The following PLCG2 variants were observed in gnomAD, a reference collection of about 807,000 sequenced individuals.
The protein encoded by PLCG2 is phospholipase C gamma 2.
In PLCG2, 69 loss-of-function variants were observed where a neutral mutation model predicts 175.6. The ratio of observed to expected loss-of-function variants is 0.39; its 90% CI spans 0.32 to 0.48. The LOEUF (loss-of-function observed/expected upper bound fraction) is 0.48, where lower values mean the gene tolerates loss of function less well. Ranked by LOEUF, PLCG2 falls within the 20% of genes least tolerant of loss-of-function variation. PLCG2 has a pLI of 0.91. For synonymous variants in PLCG2, 827 were observed against 624.0 expected (o/e 1.33, Z -4.85); for missense variants, 1,798 against 1,650.9 (o/e 1.09, Z -1.54).
chr16:81,844,619 G>T (rs550968582), intron 2 of PLCG2, among the ~76,000 whole-genome samples: 1 of 152,340 alleles, frequency 6.6e-6, no homozygotes, highest in South Asian at 2.1e-4. Flanking sequence ...ACTGTGCCTG[G>T]CCCACACCTT....
chr16:81,805,071 C>T (rs879733695), intron 2 of PLCG2, among the ~76,000 whole-genome samples: 20 of 152,198 alleles, frequency 1.3e-4, no homozygotes, highest in African/African-American at 3.6e-4. Flanking sequence ...CAACATCAGA[C>T]ACTTTTCCCC....
rs549703599 is a variant in PLCG2, at chr16:81,857,067, A to G, written c.338-1196A>G. Among the ~76,000 whole-genome samples, 36 of 149,916 alleles carry G rather than the reference A, an allele frequency of 2.4e-4. No homozygotes were observed. The South Asian group carries it at 2.6e-3, about 11-fold the overall frequency. On this transcript the variant is annotated intron_variant, in intron 3 of 32. Transcript: ENST00000564138. ...ACTTCTGGCCTCTCTAACAGTCTGA[A>G]AATAAATCTATATTACTTTAAGTCA... is the stretch of plus-strand genomic sequence containing the variant.
At chr16:81,910,289 C>G (rs1198981894) in intron 17 of PLCG2, among the ~76,000 whole-genome samples, 1 of 152,140 alleles carries the variant, frequency 6.6e-6, no homozygotes, top group Non-Finnish European at 1.5e-5. Context: ...CGAGATTTCA[C>G]TGTATTGGCC....
At chr16:81,791,669 A>G (rs1052900930) in intron 2 of PLCG2, among the ~76,000 whole-genome samples, 3 of 152,078 alleles carry the variant, frequency 2.0e-5, no homozygotes, top group Non-Finnish European at 2.9e-5. Flanking sequence ...GGTTCAAGCT[A>G]TTCTCCCACC....
intron 2 of PLCG2, among the ~76,000 whole-genome samples, chr16:81,759,949 A>G (rs1445396145): frequency 6.6e-6 from 1 of 151,990 alleles, no homozygotes; most frequent in Non-Finnish European, 1.5e-5. Flanking sequence ...ACACGGTGAA[A>G]CCCCGTCTCT....
chr16:81,864,511 A>G (rs954990171), intron 5 of PLCG2, among the ~76,000 whole-genome samples: 1 of 152,130 alleles, frequency 6.6e-6, no homozygotes, highest in African/African-American at 2.4e-5. Flanking sequence ...ACACTAACTC[A>G]TTGTGTGAAT....
chr16:81,945,047 T>C (rs1175699874), intron 30 of PLCG2, among the ~76,000 whole-genome samples: 3 of 152,144 alleles, frequency 2.0e-5, no homozygotes, highest in African/African-American at 7.2e-5. Flanking sequence ...ACCATGTCCA[T>C]ACAGAAATGA....
chr16:81,799,218 C>T (rs1351848983), intron 2 of PLCG2, among the ~76,000 whole-genome samples: 2 of 152,120 alleles, frequency 1.3e-5, no homozygotes, highest in African/African-American at 4.8e-5. Flanking sequence ...GAAAAACAAC[C>T]CCTTAGCCCC....
At chr16:81,769,865 C>A (rs1472284683) in intron 2 of PLCG2, among the ~76,000 whole-genome samples, 1 of 148,720 alleles carries the variant, frequency 6.7e-6, no homozygotes, top group Non-Finnish European at 1.5e-5. Context: ...CATGGGCCTT[C>A]AGATTCTAGT....
At chr16:81,825,295 T>C (rs1904999028) in intron 2 of PLCG2, among the ~76,000 whole-genome samples, 1 of 140,804 alleles carries the variant, frequency 7.1e-6, no homozygotes, top group South Asian at 2.3e-4. Flanking sequence ...TTTTTTTTTT[T>C]TTTTTTTTTT....
At chr16:81,897,904 C>A in intron 13 of PLCG2, 3 of 453,488 alleles carry the variant, frequency 6.6e-6, no homozygotes. Flanking sequence ...GGAGGTGTTG[C>A]TGTGAGACAA....
chr16:81,856,559 A>G (rs1906692719), intron 3 of PLCG2, among the ~76,000 whole-genome samples: 1 of 152,310 alleles, frequency 6.6e-6, no homozygotes, highest in South Asian at 2.1e-4. Context: ...CAGGGGAGAT[A>G]CTGACAGCTG....
rs555259463 is a variant in PLCG2 at position 81,795,698 on chromosome 16, G to C, written c.193+9516G>C. On this transcript the variant is annotated intron_variant, in intron 2 of 32. Transcript: ENST00000564138. Reference sequence around the variant, plus strand: ...TGGATGTACCTGTTTCCTCCCACCTGCTTTTTTTTTTTCTCCCCAAGAGAT... The same window carrying C: ...TGGATGTACCTGTTTCCTCCCACCTCCTTTTTTTTTTTCTCCCCAAGAGAT... Among the ~76,000 whole-genome samples, 159 of 151,730 alleles carry C rather than the reference G, an allele frequency of 1.0e-3. 1 individual carries two copies. Among genetic ancestry groups the C allele is most frequent in the African/African-American group, 3.6e-3 (150 of 41,182 alleles).
At chr16:81,870,592 G>A (rs1381124426) in intron 6 of PLCG2, among the ~76,000 whole-genome samples, 1 of 152,214 alleles carries the variant, frequency 6.6e-6, no homozygotes, top group Non-Finnish European at 1.5e-5. Context: ...CAGACAGGGG[G>A]ATTAGGGAAC....
At chr16:81,866,455 A>ATG (rs1907240265) in intron 5 of PLCG2, among the ~76,000 whole-genome samples, 1 of 44,550 alleles carries the variant, frequency 2.2e-5, no homozygotes, top group African/African-American at 6.7e-5. Context: ...AGAGGACGCT[A>ATG]GCCTCTCCCT....
intron 8 of PLCG2, 77 bp downstream of exon 8, chr16:81,881,030 G>A: frequency 6.9e-7 from 1 of 1,442,592 alleles, no homozygotes; most frequent in Non-Finnish European, 9.7e-7. Context: ...CCTCCAGGAG[G>A]GGATGCCTGT....
intron 2 of PLCG2, among the ~76,000 whole-genome samples, chr16:81,811,007 C>A (rs1281486652): frequency 1.1e-4 from 16 of 152,202 alleles, no homozygotes; most frequent in Admixed American, 9.8e-4. Flanking sequence ...GCCTTCCTGG[C>A]CCTAGTGGCT....
chr16:81,839,336 G>A (rs1479168233), intron 2 of PLCG2, among the ~76,000 whole-genome samples: 1 of 151,784 alleles, frequency 6.6e-6, no homozygotes, highest in Non-Finnish European at 1.5e-5. Flanking sequence ...CCCCAAAACT[G>A]GTCAATCCAT....
chr16:81,813,932 T>C (rs185434286), intron 2 of PLCG2, among the ~76,000 whole-genome samples: 1 of 152,312 alleles, frequency 6.6e-6, no homozygotes, highest in Admixed American at 6.5e-5. Context: ...GGAAATAGAT[T>C]CTACCTGTTG....
Sources: allele counts gnomAD v4.1 joint callset (sites outside exome capture counted in the v4.1 genomes callset), GRCh38; gene constraint gnomAD v4.1.1; transcripts MANE v1.5; gene names NCBI Gene and HGNC (gene_info 2026-07-23, HGNC 2026-07-21).